Variants in DAB1 observed in about 807,000 individuals in gnomAD.
The protein encoded by DAB1 is DAB adaptor protein 1.
DAB1 carries 15 observed loss-of-function variants against 64.6 expected under a neutral mutation model. The observed-to-expected ratio is 0.23, with a 90% CI of 0.16 to 0.36. The LOEUF (loss-of-function observed/expected upper bound fraction) is 0.36. Ranked by LOEUF, DAB1 falls within the 10% of genes least tolerant of loss-of-function variation. DAB1 has a pLI of 1.00. For missense variants in DAB1, 596 were observed against 706.7 expected (o/e 0.84, Z 1.78); for synonymous variants, 235 against 251.9 (o/e 0.93, Z 0.64).
chr1:57,392,497 A>T (rs985377099), intron 1 of DAB1, among the ~76,000 whole-genome samples: 1 of 152,244 alleles, frequency 6.6e-6, no homozygotes, highest in African/African-American at 2.4e-5. Flanking sequence ...GTACTGAGTG[A>T]AACAATACTC....
intron 2 of DAB1, among the ~76,000 whole-genome samples, chr1:57,225,540 T>C (rs142079990): frequency 8.9e-4 from 135 of 152,282 alleles, no homozygotes; most frequent in South Asian, 2.5e-3. Context: ...TTCTGCTCAA[T>C]ACAGCTTTTT....
chr1:57,659,783 C>A (rs185656546), intron 6 of DAB1, among the ~76,000 whole-genome samples: 5 of 152,062 alleles, frequency 3.3e-5, no homozygotes, highest in African/African-American at 9.6e-5. Context: ...TCAAGACCAG[C>A]CTGACCAACA....
rs112159632 is a variant in DAB1, at chr1:57,915,727, G to A, written n.388-31565C>T. On this transcript the variant is annotated intron_variant and non_coding_transcript_variant, in intron 5 of 20. Transcript: ENST00000485760. Reference sequence around the variant, plus strand: ...TGAAAAGCTTGGATATGTGTGTGACGTAGACGGGGAAAGGGGCCCAAACAG... The same window carrying A: ...TGAAAAGCTTGGATATGTGTGTGACATAGACGGGGAAAGGGGCCCAAACAG... Among the ~76,000 whole-genome samples, 54 of 152,288 alleles carry A rather than the reference G, an allele frequency of 3.5e-4. 4 individuals are homozygous for A. The highest frequency in any genetic ancestry group is 1.2e-3 in the African/African-American group (51 of 41,564).
chr1:57,982,401 A>G (rs767553134), intron 5 of DAB1, among the ~76,000 whole-genome samples: 1 of 152,218 alleles, frequency 6.6e-6, no homozygotes, highest in Admixed American at 6.5e-5. Context: ...GGACTAGTGG[A>G]CGTAGCCCAG....
At chr1:58,492,413 A>T (rs567881406) in intron 3 of DAB1, among the ~76,000 whole-genome samples, 1 of 150,744 alleles carries the variant, frequency 6.6e-6, no homozygotes, top group Non-Finnish European at 1.5e-5. Flanking sequence ...AATAACTAAG[A>T]TCAGAGCAGA....
At chr1:57,205,697 A>G (rs781151854) in intron 2 of DAB1, among the ~76,000 whole-genome samples, 2 of 152,188 alleles carry the variant, frequency 1.3e-5, no homozygotes, top group African/African-American at 2.4e-5. Context: ...AAAAGAGGCA[A>G]AATTCCTTGT....
intron 6 of DAB1, among the ~76,000 whole-genome samples, chr1:57,689,626 A>G (rs1009985206): frequency 6.6e-6 from 1 of 152,094 alleles, no homozygotes; most frequent in African/African-American, 2.4e-5. Flanking sequence ...TTTTTTTTAA[A>G]GTTTTATGGG....
At chr1:58,118,501 T>TACACAC (rs1192664324) in intron 5 of DAB1, among the ~76,000 whole-genome samples, 91 of 63,276 alleles carry the variant, frequency 1.4e-3, no homozygotes, top group East Asian at 0.012. Flanking sequence ...TATATATATA[T>TACACAC]ATACACACAC....
chr1:57,432,144 C>G (rs959990605), intron 7 of DAB1, among the ~76,000 whole-genome samples: 2 of 151,670 alleles, frequency 1.3e-5, no homozygotes, highest in African/African-American at 4.8e-5. Context: ...AATGAATTTC[C>G]AATGCTTACA....
At chr1:57,726,535 A>G (rs1647212916) in intron 6 of DAB1, among the ~76,000 whole-genome samples, 1 of 152,164 alleles carries the variant, frequency 6.6e-6, no homozygotes, top group African/African-American at 2.4e-5. Context: ...AAAGTGAAGG[A>G]TCTTGGGCTT....
intron 4 of DAB1, among the ~76,000 whole-genome samples, chr1:58,269,110 C>A (rs1379157299): frequency 6.7e-6 from 1 of 150,276 alleles, no homozygotes; most frequent in Non-Finnish European, 1.5e-5. Flanking sequence ...GTGCGCTGCA[C>A]CCACTAACTC....
intron 3 of DAB1, among the ~76,000 whole-genome samples, chr1:58,454,645 T>C (rs532268437): frequency 1.3e-5 from 2 of 152,138 alleles, no homozygotes; most frequent in South Asian, 4.2e-4. Context: ...CTCCTCCTGC[T>C]CCCCACCACC....
At chr1:57,649,251 G>C (rs1024796880) in intron 7 of DAB1, among the ~76,000 whole-genome samples, 4 of 152,150 alleles carry the variant, frequency 2.6e-5, no homozygotes, top group African/African-American at 9.7e-5. Context: ...AGCTAACATA[G>C]TTCTGTTGAA....
chr1:58,445,753 C>T (rs1457675127), intron 3 of DAB1, among the ~76,000 whole-genome samples: 7 of 152,184 alleles, frequency 4.6e-5, no homozygotes, highest in South Asian at 2.1e-4. Flanking sequence ...GCTTAGGAAG[C>T]GTGTGATATC....
At chr1:57,554,943 AAC>A (rs1184144168) in intron 7 of DAB1, among the ~76,000 whole-genome samples, 1 of 152,054 alleles carries the variant, frequency 6.6e-6, no homozygotes, top group Non-Finnish European at 1.5e-5. Context: ...GTAGAGTCAC[AAC>A]ATCATGGGTG....
chr1:57,655,585 G>A (rs144335660), intron 6 of DAB1, among the ~76,000 whole-genome samples: 10 of 152,190 alleles, frequency 6.6e-5, no homozygotes, highest in African/African-American at 1.7e-4. Context: ...CTACCCTTAC[G>A]GAACTTGCAT....
At chr1:57,744,478 C>T (rs1648166580) in intron 6 of DAB1, among the ~76,000 whole-genome samples, 1 of 151,056 alleles carries the variant, frequency 6.6e-6, no homozygotes, top group South Asian at 2.1e-4. Context: ...TGTTATTGGA[C>T]ATATTTTATT....
chr1:57,546,478 G>A (rs1644857974), intron 7 of DAB1, among the ~76,000 whole-genome samples: 1 of 152,168 alleles, frequency 6.6e-6, no homozygotes. Flanking sequence ...CTTGCTAACT[G>A]TTTGATCTTA....
At position 57,661,983 on chromosome 1, in the gene DAB1, G is replaced by A. The variant is rs147625144; in HGVS notation, n.552-12318C>T. On this transcript the variant is annotated intron_variant and non_coding_transcript_variant, in intron 6 of 20. Transcript: ENST00000485760. ...GGAATGTTGGGACTTGAGGGTGACC[G>A]TAAAGATAAAATATCCTGAGGTCTG... is the stretch of plus-strand genomic sequence containing the variant. Among the ~76,000 whole-genome samples, 517 of 152,128 alleles carry A rather than the reference G, an allele frequency of 3.4e-3. 2 individuals carry two copies. Among genetic ancestry groups the A allele is most frequent in the African/African-American group, 5.8e-3 (239 of 41,522 alleles).
Sources: allele counts gnomAD v4.1 joint callset (sites outside exome capture counted in the v4.1 genomes callset), GRCh38; gene constraint gnomAD v4.1.1; transcripts MANE v1.5; gene names NCBI Gene and HGNC (gene_info 2026-07-23, HGNC 2026-07-21).